The following SGCZ variants were observed in gnomAD, a reference collection of about 807,000 sequenced individuals.
SGCZ encodes the protein zeta-sarcoglycan.
SGCZ carries 40 observed loss-of-function variants against 41.3 expected under a neutral mutation model. The ratio of observed to expected loss-of-function variants is 0.97; its 90% confidence interval spans 0.75 to 1.26. SGCZ has a LOEUF of 1.26. Among genes scored for constraint, SGCZ ranks in the 50% most tolerant of loss-of-function variants. The pLI, the probability that SGCZ is intolerant of heterozygous loss-of-function variation, is 0.00. For synonymous variants in SGCZ, 206 were observed against 137.5 expected (o/e 1.50, Z -3.49); for missense variants, 552 against 369.8 (o/e 1.49, Z -4.04).
chr8:14,469,264 G>C (rs767500871), intron 2 of SGCZ, among the ~76,000 whole-genome samples: 27 of 152,018 alleles, frequency 1.8e-4, no homozygotes, highest in Non-Finnish European at 3.8e-4. Flanking sequence ...ATGTTGGGCT[G>C]GATAATTCTT....
intron 2 of SGCZ, among the ~76,000 whole-genome samples, chr8:14,422,078 CAA>C (rs1313045813): frequency 6.6e-6 from 1 of 152,004 alleles, no homozygotes; most frequent in Admixed American, 6.6e-5. Flanking sequence ...TAAACAAATG[CAA>C]AGTCTTAACA....
At chr8:14,442,353 A>G (rs1037588552) in intron 2 of SGCZ, among the ~76,000 whole-genome samples, 3 of 152,192 alleles carry the variant, frequency 2.0e-5, no homozygotes, top group Non-Finnish European at 4.4e-5. Flanking sequence ...CTGCCATGTA[A>G]GAAGTGACTT....
intron 1 of SGCZ, among the ~76,000 whole-genome samples, chr8:14,560,153 A>C (rs892624968): frequency 1.3e-5 from 2 of 152,066 alleles, no homozygotes; most frequent in African/African-American, 4.8e-5. Context: ...AACAGTAGGG[A>C]AATTATAGTT....
At chr8:14,420,584 A>C (rs1040042317) in intron 2 of SGCZ, among the ~76,000 whole-genome samples, 3 of 152,104 alleles carry the variant, frequency 2.0e-5, no homozygotes, top group Admixed American at 1.3e-4. Context: ...ACAGATACCA[A>C]AATGATCCCG....
chr8:14,722,725 G>A (rs1444703700), intron 1 of SGCZ, among the ~76,000 whole-genome samples: 1 of 152,016 alleles, frequency 6.6e-6, no homozygotes, highest in Non-Finnish European at 1.5e-5. Context: ...GAAATGATGA[G>A]GAGAATCAAG....
intron 1 of SGCZ, among the ~76,000 whole-genome samples, chr8:14,837,300 G>A (rs780314987): frequency 6.6e-6 from 1 of 152,220 alleles, no homozygotes; most frequent in Non-Finnish European, 1.5e-5. Flanking sequence ...AATGATCCAT[G>A]AAAAGGTCTG....
At chr8:14,609,446 A>G (rs973982176) in intron 1 of SGCZ, among the ~76,000 whole-genome samples, 1 of 152,192 alleles carries the variant, frequency 6.6e-6, no homozygotes, top group African/African-American at 2.4e-5. Flanking sequence ...GGCAAGTAAT[A>G]TAATTTCTTG....
intron 1 of SGCZ, among the ~76,000 whole-genome samples, chr8:14,915,044 T>A (rs77071398): frequency 2.0e-5 from 3 of 152,024 alleles, no homozygotes; most frequent in Non-Finnish European, 4.4e-5. Flanking sequence ...AGTAAAAATA[T>A]TTTTTTTCAG....
intron 1 of SGCZ, among the ~76,000 whole-genome samples, chr8:14,918,829 T>A (rs962163039): frequency 6.6e-6 from 1 of 152,208 alleles, no homozygotes; most frequent in African/African-American, 2.4e-5. Flanking sequence ...GCATACACTA[T>A]GTGCTTGGTG....
intron 3 of SGCZ, among the ~76,000 whole-genome samples, chr8:14,300,642 T>G (rs1253549276): frequency 1.3e-5 from 2 of 152,014 alleles, no homozygotes; most frequent in Admixed American, 6.6e-5. Flanking sequence ...AAGTAATCGC[T>G]GGGTGGAAGT....
At chr8:14,721,857 T>C (rs886919939) in intron 1 of SGCZ, among the ~76,000 whole-genome samples, 5 of 147,316 alleles carry the variant, frequency 3.4e-5, no homozygotes, top group Non-Finnish European at 7.4e-5. Flanking sequence ...TCTTAACTCC[T>C]ACTCTCTCTG....
At chr8:14,155,289 T>C (rs576822752) in intron 5 of SGCZ, among the ~76,000 whole-genome samples, 1 of 152,188 alleles carries the variant, frequency 6.6e-6, no homozygotes, top group Non-Finnish European at 1.5e-5. Context: ...TTGTCTGATA[T>C]AATATAGAAG....
intron 1 of SGCZ, among the ~76,000 whole-genome samples, chr8:14,589,231 C>T (rs1006285424): frequency 2.8e-4 from 42 of 151,470 alleles, no homozygotes; most frequent in Admixed American, 9.3e-4. Flanking sequence ...CTATAATCCC[C>T]GCTATTTGGG....
chr8:14,142,717 G>T (rs1803408020), intron 5 of SGCZ, among the ~76,000 whole-genome samples: 1 of 152,122 alleles, frequency 6.6e-6, no homozygotes, highest in South Asian at 2.1e-4. Flanking sequence ...GGGCCTGGTG[G>T]GAGGTGACGA....
chr8:14,596,818 C>G (rs1230537105), intron 1 of SGCZ, among the ~76,000 whole-genome samples: 1 of 151,886 alleles, frequency 6.6e-6, no homozygotes, highest in Non-Finnish European at 1.5e-5. Context: ...GCACATGTAT[C>G]CTGGAAATTA....
chr8:14,961,039 C>T (rs1390652050), intron 1 of SGCZ, among the ~76,000 whole-genome samples: 6 of 151,964 alleles, frequency 3.9e-5, no homozygotes, highest in South Asian at 2.1e-4. Context: ...TATCCATGGA[C>T]GTCCTTTTAT....
chr8:14,921,017 C>G (rs12677033), intron 1 of SGCZ, among the ~76,000 whole-genome samples: 50,976 of 151,934 alleles, frequency 0.34, 8,709 homozygotes, highest in East Asian at 0.48. Flanking sequence ...TAGCCCATAT[C>G]CAATAGTGTT....
At position 14,374,632 on chromosome 8, in the gene SGCZ, A is replaced by G. The variant is rs573034534; in HGVS notation, c.235-50428T>C. On this transcript the variant is annotated intron_variant, in intron 2 of 7. Coordinates refer to ENST00000382080, the MANE Select transcript of SGCZ (RefSeq NM_139167.4). ...GCCTATTTAGGACTGATGGCCATAA[A>G]TACATAGGGAGGCCAGACCACATAC... Among the ~76,000 whole-genome samples, 5 of 152,116 alleles carry G rather than the reference A, an allele frequency of 3.3e-5. No individual in the cohort carries two copies. The East Asian group carries it at 7.8e-4, about 24-fold the overall frequency.
intron 1 of SGCZ, among the ~76,000 whole-genome samples, chr8:14,659,020 GA>G (rs1201957937): frequency 6.6e-6 from 1 of 152,134 alleles, no homozygotes; most frequent in African/African-American, 2.4e-5. Flanking sequence ...TACCCAATGT[GA>G]AAAAAACTAT....
Sources: gnomAD v4.1 joint callset for allele counts (sites outside exome capture counted in the v4.1 genomes callset) on GRCh38, gnomAD v4.1.1 for gene constraint, MANE v1.5 for transcripts, NCBI Gene and HGNC (gene_info 2026-07-23, HGNC 2026-07-21) for gene names.